The following DAGLB variants were observed in gnomAD, a reference collection of about 807,000 sequenced individuals.
DAGLB encodes diacylglycerol lipase-beta.
Under a neutral mutation model 72.1 loss-of-function variants are expected in DAGLB, and 66 were observed. That is an observed-to-expected ratio of 0.92 (90% CI 0.75 to 1.12). DAGLB has a LOEUF of 1.12. Among genes scored for constraint, DAGLB ranks in the 50% most tolerant of loss-of-function variants. The pLI, the probability that DAGLB is intolerant of heterozygous loss-of-function variation, is 0.00. For missense variants in DAGLB, 1,065 were observed against 884.9 expected, an observed-to-expected ratio of 1.20 and a Z score of -2.58; for synonymous variants, 414 against 359.5, an observed-to-expected ratio of 1.15 and a Z score of -1.71.
chr7:6,420,313 G>A (rs760142141), intron 9 of DAGLB, among the ~76,000 whole-genome samples: 1 of 151,886 alleles, frequency 6.6e-6, no homozygotes, highest in Non-Finnish European at 1.5e-5. Flanking sequence ...GGTGACGTGC[G>A]CCTGTAGTCC....
chr7:6,428,453 TTTAC>T (rs1426557528), intron 6 of DAGLB, among the ~76,000 whole-genome samples: 1 of 151,504 alleles, frequency 6.6e-6, no homozygotes, highest in Non-Finnish European at 1.5e-5. Context: ...GGATAGGACA[TTTAC>T]TTACTTGTTT....
chr7:6,414,232 G>C (rs573682187), intron 11 of DAGLB, among the ~76,000 whole-genome samples: 5 of 151,710 alleles, frequency 3.3e-5, no homozygotes, highest in South Asian at 2.1e-4. Context: ...GGATGGTCTT[G>C]ATCTCCTGAC....
At chr7:6,433,032 T>C in intron 4 of DAGLB, 73 bp from the exon 5 acceptor site, 2 of 1,555,008 alleles carry the variant, frequency 1.3e-6, no homozygotes. Context: ...AAATCCAGTC[T>C]TCTATAGTTG....
At chr7:6,416,361 T>C in intron 11 of DAGLB, 2 of 302,982 alleles carry the variant, frequency 6.6e-6, no homozygotes, top group Non-Finnish European at 1.2e-5. Context: ...CTGGCCAACA[T>C]GGTGAAACCC....
intron 11 of DAGLB, among the ~76,000 whole-genome samples, chr7:6,414,054 A>T (rs537026094): frequency 1.3e-4 from 20 of 152,332 alleles, no homozygotes; most frequent in Admixed American, 5.2e-4. Context: ...TCTGTCTCCC[A>T]GGCTGGAGTG....
rs924975038 is a variant in DAGLB, at chr7:6,447,943, A to C, written c.-101T>G. ...CGCCGCCACCAAATTATCGGCGCTC[A>C]AGCGCAAACGCAGCGAGGGCGGGGA... On this transcript the variant is annotated 5_prime_UTR_variant, in exon 1 of 15. Coordinates refer to ENST00000297056, the MANE Select transcript of DAGLB (RefSeq NM_139179.4). 9 of 1,458,882 alleles carry C rather than the reference A, an allele frequency of 6.2e-6. No homozygotes were observed. In the East Asian group the frequency reaches 1.5e-4, roughly 25 times the overall value. 90.4% of individuals were successfully genotyped at this position (1,458,882 alleles called of 1,614,324 possible). A position where few individuals can be genotyped will look rare whatever the true frequency, so the allele number is the denominator to read the frequency against.
In DAGLB at chr7:6,426,134, G is replaced by T. The variant is rs551892729; in HGVS notation, c.930-20C>A. 6.2e-7 allele frequency: 1 copy of T among 1,612,564 alleles called. No homozygotes were observed. Among genetic ancestry groups the T allele is most frequent in the East Asian group, 2.2e-5 (1 of 44,844 alleles). The stretch of plus-strand genomic sequence containing the variant: ...CTGCAGCTAAAAAGAGGACAAAGAC[G>T]TTACTATGCCGAACAGAGCCACTTG... On this transcript the variant is annotated intron_variant, in intron 6 of 14. Coordinates refer to ENST00000297056, the MANE Select transcript of DAGLB (RefSeq NM_139179.4).
At chr7:6,417,125 G>C in intron 9 of DAGLB, 3 of 586,804 alleles carry the variant, frequency 5.1e-6, no homozygotes, top group Non-Finnish European at 9.0e-6. Context: ...GCCAGGTGTG[G>C]TGGCGCACGC....
chr7:6,411,244 G>A (rs1213730493), intron 13 of DAGLB, among the ~76,000 whole-genome samples: 2 of 150,688 alleles, frequency 1.3e-5, no homozygotes, highest in African/African-American at 2.4e-5. Flanking sequence ...CCCGACCTCA[G>A]GTGATCCACC....
chr7:6,442,235 C>T (rs551942971), intron 2 of DAGLB, among the ~76,000 whole-genome samples: 1 of 152,016 alleles, frequency 6.6e-6, no homozygotes, highest in African/African-American at 2.4e-5. Flanking sequence ...CAAAACAAAA[C>T]GGGGTTCTGT....
intron 7 of DAGLB, among the ~76,000 whole-genome samples, chr7:6,425,197 TC>T (rs2115263828): frequency 6.6e-6 from 1 of 152,228 alleles, no homozygotes; most frequent in African/African-American, 2.4e-5. Flanking sequence ...CCAGCAGGCC[TC>T]CCGCTGCGGT....
At position 6,434,989 on chromosome 7, in the gene DAGLB, T is replaced by C; in HGVS notation, c.451A>G (p.Ile151Val). The part of the protein sequence containing the change: ...WIIIAATVVS[I>V]IIVFDPLGGK... ...CCAAGAGGGTCAAAGACAATGATAATGGAAACCACTGTGGCAGCGATGATG... is the reference window on the plus strand; with the variant it reads ...CCAAGAGGGTCAAAGACAATGATAACGGAAACCACTGTGGCAGCGATGATG... Residue 151 changes from isoleucine (I) to valine (V), a missense_variant, in exon 4 of 15, where the codon ATT (isoleucine) becomes GTT (valine). Transcript: ENST00000297056. 2 of 1,613,714 alleles carry C rather than the reference T, an allele frequency of 1.2e-6. No individual in the cohort carries two copies. The highest frequency in any genetic ancestry group is 1.1e-5 in the South Asian group (1 of 91,056).
In DAGLB at chr7:6,412,804, C is replaced by T. The variant is rs201800456; in HGVS notation, c.1569+7G>A. 1,736 of 1,577,976 alleles carry T rather than the reference C, an allele frequency of 1.1e-3. 1 individual carries two copies. Among genetic ancestry groups the T allele is most frequent in the Admixed American group, 1.2e-3 (66 of 55,266 alleles). ...CTGCTGACCCTCTCAACAAGGCACC[C>T]GCTTACCTTGGGTTTATTGCAGTGC... On this transcript the variant is annotated splice_region_variant and intron_variant, in intron 13 of 14. Transcript: ENST00000297056.
At chr7:6,443,147 C>G (rs1177783549) in intron 2 of DAGLB, among the ~76,000 whole-genome samples, 1 of 148,096 alleles carries the variant, frequency 6.8e-6, no homozygotes, top group Non-Finnish European at 1.5e-5. Context: ...AGAGATAGTG[C>G]CACTGCAGTC....
intron 2 of DAGLB, among the ~76,000 whole-genome samples, chr7:6,442,179 T>A (rs1278896777): frequency 2.0e-5 from 3 of 152,098 alleles, no homozygotes; most frequent in African/African-American, 7.2e-5. Flanking sequence ...GAGCCCGGCC[T>A]AGGGTCTGCT....
intron 2 of DAGLB, among the ~76,000 whole-genome samples, chr7:6,443,690 G>A (rs749821609): frequency 9.9e-5 from 15 of 151,820 alleles, no homozygotes; most frequent in South Asian, 2.1e-4. Flanking sequence ...TATCACCAGC[G>A]CCTCCCAGTG....
intron 5 of DAGLB, among the ~76,000 whole-genome samples, chr7:6,432,270 C>T (rs113413589): frequency 0.13 from 19,300 of 148,374 alleles, 1,360 homozygotes; most frequent in Admixed American, 0.19. Context: ...GAGAATCACC[C>T]GGGAGGTGGA....
rs962780128 is a variant in DAGLB at position 6,432,839 on chromosome 7, G to A, written c.799C>T (p.Gln267Ter). Residue 267 changes from glutamine (Q) to a stop codon, truncating the protein, a stop_gained and splice_region_variant, in exon 5 of 15, where the codon CAG (glutamine) becomes TAG (stop). Transcript: ENST00000297056. LOFTEE classifies it high-confidence loss of function. ...ACACTCCATGAAGCCAGGCTCACCT[G>A]GGAGCTCCCTGGGGCATGGCAGACC... The part of the protein sequence containing the change: ...QVVCHAPGSS[Q>*]EADLDAELEN... 1 of 1,613,468 alleles carries A rather than the reference G, an allele frequency of 6.2e-7. No homozygotes were observed. The highest frequency in any genetic ancestry group is 1.3e-5 in the African/African-American group (1 of 75,040).
At chr7:6,437,767 G>C (rs1784710308) in intron 2 of DAGLB, among the ~76,000 whole-genome samples, 1 of 152,092 alleles carries the variant, frequency 6.6e-6, no homozygotes. Flanking sequence ...TCCTGCCTCA[G>C]CCTCCCTAGT....
Sources: allele counts gnomAD v4.1 joint callset (sites outside exome capture counted in the v4.1 genomes callset), GRCh38; gene constraint gnomAD v4.1.1; transcripts MANE v1.5; gene names NCBI Gene and HGNC (gene_info 2026-07-23, HGNC 2026-07-21).